Variants in SLFN12L observed in about 807,000 individuals in gnomAD.
SLFN12L encodes the protein schlafen family member 12-like.
A neutral mutation model predicts 34.8 loss-of-function variants in SLFN12L; 34 were observed. That is an observed-to-expected ratio of 0.98 (90% confidence interval 0.74 to 1.30). The LOEUF (loss-of-function observed/expected upper bound fraction) is 1.30, where lower values mean the gene tolerates loss of function less well. SLFN12L is among the 50% of genes most tolerant of loss of function. The pLI is 0.00. For synonymous variants in SLFN12L, 259 were observed against 247.5 expected (o/e 1.05, Z -0.44); for missense variants, 703 against 696.2 (o/e 1.01, Z -0.11).
chr17:35,505,532 C>G (rs529815643), intron 2 of SLFN12L, among the ~76,000 whole-genome samples: 11 of 152,274 alleles, frequency 7.2e-5, no homozygotes, highest in African/African-American at 2.4e-4. Flanking sequence ...TAACCAAGTA[C>G]CAAAGCTTGC....
chr17:35,490,420 G>T (rs752216461), intron 2 of SLFN12L: 19 of 1,226,712 alleles, frequency 1.5e-5, no homozygotes, highest in Non-Finnish European at 2.2e-5. Flanking sequence ...ACCCGATGGG[G>T]TCTTGGTTTT....
At chr17:35,491,161 G>A in intron 2 of SLFN12L, 1 of 823,666 alleles carries the variant, frequency 1.2e-6, no homozygotes, top group South Asian at 1.5e-5. Flanking sequence ...GAGCCTCGGG[G>A]AGGAGGAAGG....
In SLFN12L at chr17:35,502,239, G is replaced by A. The variant is rs548081157; in HGVS notation, c.86+20040C>T. Among the ~76,000 whole-genome samples, 10 of 151,968 alleles carry A rather than the reference G, an allele frequency of 6.6e-5. No homozygotes were observed. In the South Asian group the frequency reaches 1.7e-3, roughly 25 times the overall value. ...ACTTTGTTGTCAGTGTAAACAAGGG[G>A]GTATCCCAAAAGCACTGAGGCCTTC... is the stretch of plus-strand genomic sequence containing the variant. On this transcript the variant is annotated intron_variant, in intron 2 of 4. Coordinates refer to ENST00000628453, the MANE Select transcript of SLFN12L (RefSeq NM_001363830.2).
rs1215781583 is a variant in SLFN12L at position 35,475,330 on chromosome 17, G to A, written c.1432C>T (p.Gln478Ter). 3 of 1,614,158 alleles carry A rather than the reference G, an allele frequency of 1.9e-6. No homozygotes were observed. The highest frequency in any genetic ancestry group is 3.3e-5 in the Admixed American group (2 of 60,004). Reference protein sequence around the residue: ...SRSWSLDLGLQENHKVLCDAL... With the variant: ...SRSWSLDLGL ...TCACAGAGGACTTTGTGGTTCTCTT[G>A]CAAGCCCAGATCCAAAGACCAGCTC... is the stretch of plus-strand genomic sequence containing the variant. Residue 478 changes from glutamine to a stop codon, truncating the protein, a stop_gained, in exon 5 of 5, where the codon CAA becomes TAA. Transcript: ENST00000628453. LOFTEE classifies it low-confidence loss of function (END_TRUNC).
At chr17:35,482,431 T>C (rs1271631426) in intron 2 of SLFN12L, among the ~76,000 whole-genome samples, 4 of 152,314 alleles carry the variant, frequency 2.6e-5, no homozygotes, top group African/African-American at 9.6e-5. Context: ...GAGCCCTGCC[T>C]CTTCCAAGTT....
At chr17:35,508,640 GC>G (rs1424388136) in intron 2 of SLFN12L, among the ~76,000 whole-genome samples, 1 of 152,080 alleles carries the variant, frequency 6.6e-6, no homozygotes, top group Non-Finnish European at 1.5e-5. Flanking sequence ...GAGCCACTGT[GC>G]CCAGCCTAAT....
chr17:35,511,056 T>C (rs1376705912), intron 2 of SLFN12L, among the ~76,000 whole-genome samples: 3 of 152,218 alleles, frequency 2.0e-5, no homozygotes, highest in African/African-American at 7.2e-5. Flanking sequence ...ACATTGATTT[T>C]CATGTTTATC....
At chr17:35,500,609 G>C (rs975764820) in intron 2 of SLFN12L, 5 of 152,356 alleles carry the variant, frequency 3.3e-5, no homozygotes, top group African/African-American at 1.2e-4. Context: ...AGCGCTTGTA[G>C]TCTCAGATAC....
chr17:35,530,433 AG>A (rs1287774538), intron 1 of SLFN12L, among the ~76,000 whole-genome samples: 825 of 10,182 alleles, frequency 0.081, 173 homozygotes, highest in African/African-American at 0.11. Context: ...AAGGAAGGGA[AG>A]GGAAGGGAAG....
At chr17:35,511,379 C>T (rs1324043662) in intron 2 of SLFN12L, among the ~76,000 whole-genome samples, 1 of 152,152 alleles carries the variant, frequency 6.6e-6, no homozygotes, top group Non-Finnish European at 1.5e-5. Context: ...TAAACTTACT[C>T]ATGGGTAAAA....
chr17:35,537,379 G>A (rs1471696795), intron 1 of SLFN12L, among the ~76,000 whole-genome samples, 194 bp downstream of exon 1: 1 of 152,154 alleles, frequency 6.6e-6, no homozygotes, highest in East Asian at 1.9e-4. Flanking sequence ...TCCTCTCATT[G>A]TCTATTTCAC....
In SLFN12L at chr17:35,468,941, G is replaced by C. The variant is rs558977635; in HGVS notation, c.*5982C>G. ...TGAGGCAGGAGAATCTCTTGATGTC[G>C]GGAGGTCAAGGCTGTAATGAGCTAT... On this transcript the variant is annotated 3_prime_UTR_variant, in exon 5 of 5. Coordinates refer to ENST00000628453, the MANE Select transcript of SLFN12L (RefSeq NM_001363830.2). Among the ~76,000 whole-genome samples the C allele has an allele frequency of 2.0e-5, 3 of 151,912 alleles. No homozygotes were observed. The highest frequency in any genetic ancestry group is 6.6e-5 in the Admixed American group (1 of 15,246).
intron 2 of SLFN12L, among the ~76,000 whole-genome samples, chr17:35,513,329 A>T (rs1191383060): frequency 6.6e-6 from 1 of 152,190 alleles, no homozygotes; most frequent in Admixed American, 6.5e-5. Flanking sequence ...AGCTGACCAG[A>T]GGGAGACACT....
At chr17:35,526,622 G>A (rs890019250) in intron 1 of SLFN12L, among the ~76,000 whole-genome samples, 3 of 152,068 alleles carry the variant, frequency 2.0e-5, no homozygotes, top group Non-Finnish European at 4.4e-5. Context: ...GGTAAATAAC[G>A]AAATGAAGGC....
intron 2 of SLFN12L, chr17:35,498,821 C>A: frequency 1.2e-6 from 1 of 818,056 alleles, no homozygotes; most frequent in Non-Finnish European, 2.0e-6. Context: ...TGCAGCCTGC[C>A]AAGACAACAG....
intron 2 of SLFN12L, among the ~76,000 whole-genome samples, chr17:35,502,045 GA>G (rs1353406283): frequency 1.3e-5 from 2 of 151,738 alleles, no homozygotes; most frequent in African/African-American, 4.8e-5. Context: ...GAGGCAAAAG[GA>G]AAGTCAAAGA....
chr17:35,485,827 G>A (rs1239028104), intron 2 of SLFN12L, among the ~76,000 whole-genome samples: 1 of 152,086 alleles, frequency 6.6e-6, no homozygotes, highest in East Asian at 1.9e-4. Flanking sequence ...TTTATTTCAG[G>A]GGTCTTTATT....
rs1195365601 is a variant in SLFN12L, at chr17:35,474,899, C to T, written c.*24G>A. The T allele has an allele frequency of 9.2e-6, 14 of 1,518,078 alleles. No individual in the cohort carries two copies. The highest frequency in any genetic ancestry group is 1.2e-5 in the Non-Finnish European group (14 of 1,135,260). 94.0% of individuals were successfully genotyped at this position (1,518,078 alleles called of 1,614,324 possible). On this transcript the variant is annotated 3_prime_UTR_variant, in exon 5 of 5. Transcript: ENST00000628453. ...TGAGTCGAGATCGTGTCACTACACT[C>T]CAGTCTGGGTGACAGAGTGAGACTC...
At chr17:35,503,895 A>G (rs1461268438) in intron 2 of SLFN12L, among the ~76,000 whole-genome samples, 1 of 151,976 alleles carries the variant, frequency 6.6e-6, no homozygotes, top group African/African-American at 2.4e-5. Flanking sequence ...ACAGCAGAAA[A>G]GGAATGGACT....
Sources: allele counts gnomAD v4.1 joint callset (sites outside exome capture counted in the v4.1 genomes callset), GRCh38; gene constraint gnomAD v4.1.1; transcripts MANE v1.5; gene names NCBI Gene and HGNC (gene_info 2026-07-23, HGNC 2026-07-21).